Variants in USP44 observed in about 807,000 individuals in gnomAD.
USP44 encodes the protein ubiquitin carboxyl-terminal hydrolase 44.
Under a neutral mutation model 69.0 loss-of-function variants are expected in USP44, and 61 were observed. The observed-to-expected ratio is 0.88, with a 90% CI of 0.72 to 1.09. The LOEUF is 1.09. Among genes scored for constraint, USP44 ranks in the 50% least tolerant of loss-of-function variants. The pLI is 0.00. For synonymous variants in USP44, 297 were observed against 295.4 expected (o/e 1.01, Z -0.06); for missense variants, 753 against 849.9 (o/e 0.89, Z 1.42).
chr12:95,536,193 C>T (rs1251289833), intron 1 of USP44, among the ~76,000 whole-genome samples: 1 of 151,960 alleles, frequency 6.6e-6, no homozygotes, highest in Non-Finnish European at 1.5e-5. Flanking sequence ...CAGGCATGTG[C>T]CATTACGCCT....
intron 3 of USP44, among the ~76,000 whole-genome samples, chr12:95,526,226 C>T (rs150725320): frequency 6.6e-6 from 1 of 152,190 alleles, no homozygotes; most frequent in East Asian, 1.9e-4. Context: ...CATTTATGTC[C>T]AAGAAAAAAT....
In USP44 at chr12:95,521,032, C is replaced by T. The variant is rs774659607; in HGVS notation, c.1904G>A (p.Gly635Glu). The change falls in exon 5 of 6, where the codon GGG (glycine) becomes GAG (glutamate). Residue 635 changes from glycine to glutamate, a missense_variant. Gly to Glu is a moderately conservative substitution (Grantham distance 98, BLOSUM62 -2). Transcript: ENST00000258499. ...ATTATAGCAGTAGGCAGTGTAGTGC[C>T]CTGAGCCAAATCCTTTCCCATGGTG... ...VMHHGKGFGS[G>E]HYTAYCYNSE... The T allele has an allele frequency of 2.5e-6, 4 of 1,614,110 alleles. No individual in the cohort carries two copies. Among genetic ancestry groups the T allele is most frequent in the Non-Finnish European group, 3.4e-6 (4 of 1,180,026 alleles).
chr12:95,532,532 C>G (rs941592139), intron 2 of USP44, among the ~76,000 whole-genome samples: 1 of 151,978 alleles, frequency 6.6e-6, no homozygotes, highest in African/African-American at 2.4e-5. Flanking sequence ...GGATTAAACC[C>G]TCCTCTTCTC....
chr12:95,543,004 C>T (rs886367434), intron 1 of USP44, among the ~76,000 whole-genome samples: 40 of 151,432 alleles, frequency 2.6e-4, no homozygotes, highest in Non-Finnish European at 4.6e-4. Context: ...AGGAGAATGG[C>T]GTGAACCCGG....
At chr12:95,545,025 T>A (rs933596773) in intron 1 of USP44, among the ~76,000 whole-genome samples, 4 of 152,184 alleles carry the variant, frequency 2.6e-5, no homozygotes, top group Non-Finnish European at 4.4e-5. Flanking sequence ...TGGAACAATA[T>A]ACACTTTTCT....
At chr12:95,546,250 CTG>C (rs775636793) in intron 1 of USP44, among the ~76,000 whole-genome samples, 1 of 152,328 alleles carries the variant, frequency 6.6e-6, no homozygotes, top group East Asian at 1.9e-4. Context: ...TTCAAATACT[CTG>C]TGTGTAAAAT....
chr12:95,545,879 T>C lies in USP44; in HGVS notation c.-71+5393A>G, dbSNP rs1422061754. ...CCCTAGAAAGGCCCTGGTTATTCTTTCTTCCTTTAGAGATCTAGAATCTAT... is the reference window on the plus strand; with the variant it reads ...CCCTAGAAAGGCCCTGGTTATTCTTCCTTCCTTTAGAGATCTAGAATCTAT... On this transcript the variant is annotated intron_variant, in intron 1 of 5. Transcript: ENST00000258499. Among the ~76,000 whole-genome samples the C allele has an allele frequency of 7.9e-5, 12 of 152,358 alleles. No homozygotes were observed. The South Asian group carries it at 1.9e-3, about 24-fold the overall frequency.
intron 1 of USP44, among the ~76,000 whole-genome samples, chr12:95,549,957 T>A (rs1182501114): frequency 6.6e-6 from 1 of 152,058 alleles, no homozygotes; most frequent in African/African-American, 2.4e-5. Flanking sequence ...GGCGGGTGGA[T>A]CACCTGAGGT....
chr12:95,519,880 A>G (rs2076599680), intron 5 of USP44, among the ~76,000 whole-genome samples: 1 of 151,236 alleles, frequency 6.6e-6, no homozygotes, highest in South Asian at 2.1e-4. Flanking sequence ...TCTCTACTAA[A>G]AATACAAAAA....
chr12:95,550,986 T>C (rs539666990), intron 1 of USP44, among the ~76,000 whole-genome samples: 1 of 152,166 alleles, frequency 6.6e-6, no homozygotes, highest in Non-Finnish European at 1.5e-5. Flanking sequence ...TTCATACTTA[T>C]TACTACTTAT....
At position 95,518,286 on chromosome 12, in the gene USP44, T is replaced by C; in HGVS notation, c.2007A>G (p.Gln669=). ...MCTMDEVCKA[Q]AYILFYTQRV... is the part of the protein sequence containing the mutation. ...GTTGGGTATAAAACAAGATATAAGC[T>C]TGAGCCTTGCATACTTCATCCATAG... The change falls in exon 6 of 6, where the codon CAA becomes CAG. Residue 669 remains glutamine, a synonymous_variant. Coordinates refer to ENST00000258499, the MANE Select transcript of USP44 (RefSeq NM_032147.5). The C allele has an allele frequency of 6.2e-7, 1 of 1,614,144 alleles. No individual in the cohort carries two copies. The highest frequency in any genetic ancestry group is 8.5e-7 in the Non-Finnish European group (1 of 1,180,022).
intron 1 of USP44, among the ~76,000 whole-genome samples, chr12:95,536,203 T>C (rs1313396740): frequency 1.3e-5 from 2 of 151,982 alleles, no homozygotes; most frequent in Non-Finnish European, 2.9e-5. Flanking sequence ...CCATTACGCC[T>C]GGCTAATTTT....
At chr12:95,542,201 C>T (rs1240280651) in intron 1 of USP44, among the ~76,000 whole-genome samples, 2 of 152,076 alleles carry the variant, frequency 1.3e-5, no homozygotes, top group Non-Finnish European at 2.9e-5. Context: ...TCTTAAAGGA[C>T]TTTGGATTGT....
At chr12:95,539,402 AT>A (rs1325018952) in intron 1 of USP44, among the ~76,000 whole-genome samples, 1 of 151,852 alleles carries the variant, frequency 6.6e-6, no homozygotes, top group Non-Finnish European at 1.5e-5. Context: ...ATTTTTCTGT[AT>A]TTGTAATAGA....
rs1565824129 is a variant in USP44 at position 95,533,917 on chromosome 12, T to C, written c.340A>G (p.Thr114Ala). ...GACCGTAAAAACCTCCCACTACGAG[T>C]TGTGCAGTGATAATTTTGACTTTTG... Reference protein sequence around the residue: ...AIKSQNYHCTTRSGRFLRSMG... With the variant: ...AIKSQNYHCTARSGRFLRSMG... The change falls in exon 2 of 6, where the codon ACT becomes GCT. Residue 114 changes from threonine to alanine, a missense_variant. Thr to Ala is a moderately conservative substitution (Grantham distance 58). Transcript: ENST00000258499. 6.2e-7 allele frequency: 1 copy of C among 1,613,994 alleles called. No individual in the cohort carries two copies. Among genetic ancestry groups the C allele is most frequent in the Non-Finnish European group, 8.5e-7 (1 of 1,180,002 alleles).
At chr12:95,550,872 G>A (rs2077712681) in intron 1 of USP44, among the ~76,000 whole-genome samples, 1 of 152,166 alleles carries the variant, frequency 6.6e-6, no homozygotes, top group African/African-American at 2.4e-5. Flanking sequence ...ATACAATGAT[G>A]TAAGCTAGGA....
chr12:95,538,015 C>G (rs1227233557), intron 1 of USP44, among the ~76,000 whole-genome samples: 2 of 152,160 alleles, frequency 1.3e-5, no homozygotes, highest in African/African-American at 4.8e-5. Flanking sequence ...TAACAAAGTA[C>G]TTGACCTTCA....
At chr12:95,542,504 G>A (rs192227576) in intron 1 of USP44, among the ~76,000 whole-genome samples, 121 of 152,248 alleles carry the variant, frequency 7.9e-4, no homozygotes, top group African/African-American at 2.6e-3. Flanking sequence ...AGTGGCTTAC[G>A]CTTGTAATCC....
At chr12:95,538,122 C>A (rs2077265420) in intron 1 of USP44, among the ~76,000 whole-genome samples, 1 of 152,126 alleles carries the variant, frequency 6.6e-6, no homozygotes, top group Non-Finnish European at 1.5e-5. Context: ...TCTGAGACAT[C>A]ATGGTAGAAG....
Sources: allele counts gnomAD v4.1 joint callset (sites outside exome capture counted in the v4.1 genomes callset), GRCh38; gene constraint gnomAD v4.1.1; transcripts MANE v1.5; gene names NCBI Gene and HGNC (gene_info 2026-07-23, HGNC 2026-07-21).